The following NAALADL2 variants were observed in gnomAD, a reference collection of about 807,000 sequenced individuals.
The protein encoded by NAALADL2 is N-acetylated alpha-linked acidic dipeptidase like 2, also known as inactive N-acetylated-alpha-linked acidic dipeptidase-like protein 2.
NAALADL2 carries 76 observed loss-of-function variants against 87.2 expected under a neutral mutation model. That is an observed-to-expected ratio of 0.87 (90% confidence interval 0.72 to 1.05). The LOEUF (loss-of-function observed/expected upper bound fraction) is 1.05. NAALADL2 is among the 50% of genes least tolerant of loss of function. The pLI is 0.00. For synonymous variants in NAALADL2, 354 were observed against 331.0 expected (o/e 1.07, Z -0.75); for missense variants, 1,089 against 945.8 (o/e 1.15, Z -1.99).
chr3:174,609,739 C>T (rs1187741518), intron 2 of NAALADL2, among the ~76,000 whole-genome samples: 2 of 152,036 alleles, frequency 1.3e-5, no homozygotes, highest in Admixed American at 1.3e-4. Context: ...GCCATACTGC[C>T]CAAGGTAATT....
intron 4 of NAALADL2, among the ~76,000 whole-genome samples, chr3:175,268,010 T>A (rs1282336380): frequency 1.3e-5 from 2 of 152,212 alleles, no homozygotes; most frequent in East Asian, 3.8e-4. Flanking sequence ...AAGGAACAGT[T>A]CCTACTTTCA....
chr3:174,976,963 T>C (rs1163509200), intron 1 of NAALADL2, among the ~76,000 whole-genome samples: 2 of 152,326 alleles, frequency 1.3e-5, no homozygotes, highest in African/African-American at 4.8e-5. Flanking sequence ...ATTACCAGAA[T>C]CTTGGGGCAG....
At chr3:175,773,421 T>G (rs1749772838) in intron 13 of NAALADL2, 1 of 152,168 alleles carries the variant, frequency 6.6e-6, no homozygotes, top group Non-Finnish European at 1.5e-5. Flanking sequence ...AACCTGCTGG[T>G]GATTGCTTCA....
chr3:174,828,834 C>T (rs1722290223), intron 3 of NAALADL2, among the ~76,000 whole-genome samples: 1 of 152,096 alleles, frequency 6.6e-6, no homozygotes, highest in African/African-American at 2.4e-5. Context: ...AATATGGGTC[C>T]AATCAGTTAA....
intron 9 of NAALADL2, among the ~76,000 whole-genome samples, chr3:175,553,371 G>A (rs1242203089): frequency 6.6e-6 from 1 of 151,980 alleles, no homozygotes; most frequent in Non-Finnish European, 1.5e-5. Flanking sequence ...CCTGAAAAAA[G>A]TTTCTCCCAA....
At chr3:175,131,632 T>A (rs1317788855) in intron 2 of NAALADL2, among the ~76,000 whole-genome samples, 1 of 152,214 alleles carries the variant, frequency 6.6e-6, no homozygotes, top group Non-Finnish European at 1.5e-5. Flanking sequence ...ATTGTCATCC[T>A]GGCCCGTTCT....
intron 6 of NAALADL2, among the ~76,000 whole-genome samples, chr3:175,462,275 G>A (rs909615584): frequency 3.9e-5 from 6 of 152,006 alleles, no homozygotes; most frequent in African/African-American, 1.2e-4. Flanking sequence ...AAAAACAAAC[G>A]AAAATGCATA....
intron 9 of NAALADL2, among the ~76,000 whole-genome samples, chr3:175,473,834 T>C (rs1725255844): frequency 6.6e-6 from 1 of 152,120 alleles, no homozygotes; most frequent in African/African-American, 2.4e-5. Context: ...TGTAACTTCA[T>C]TTCCAATACT....
At chr3:174,936,055 T>C (rs766200540) in intron 1 of NAALADL2, among the ~76,000 whole-genome samples, 3 of 152,138 alleles carry the variant, frequency 2.0e-5, no homozygotes, top group Non-Finnish European at 4.4e-5. Flanking sequence ...TAATGAATTA[T>C]GTTGTGGGGA....
intron 1 of NAALADL2, among the ~76,000 whole-genome samples, chr3:174,503,888 C>G (rs1719050041): frequency 1.3e-5 from 2 of 151,910 alleles, no homozygotes; most frequent in African/African-American, 4.8e-5. Context: ...TAATAAAATT[C>G]ACAGATTAAT....
intron 12 of NAALADL2, 60 bp downstream of exon 12, chr3:175,737,459 AC>A: frequency 1.0e-6 from 1 of 1,002,168 alleles, no homozygotes; most frequent in South Asian, 1.3e-5. Context: ...CTAATTTTCA[AC>A]AAGGAATGGA....
intron 3 of NAALADL2, among the ~76,000 whole-genome samples, chr3:174,748,121 T>A (rs1030392621): frequency 2.0e-5 from 3 of 151,730 alleles, no homozygotes; most frequent in African/African-American, 7.3e-5. Flanking sequence ...TGAGAACACA[T>A]AGACACAGGG....
chr3:175,382,253 C>T (rs912946324), intron 5 of NAALADL2, among the ~76,000 whole-genome samples: 9 of 151,970 alleles, frequency 5.9e-5, no homozygotes, highest in African/African-American at 2.2e-4. Flanking sequence ...GTTCATGAAA[C>T]AGTATGACAT....
At chr3:175,228,688 C>T (rs1223479887) in intron 2 of NAALADL2, among the ~76,000 whole-genome samples, 1 of 151,818 alleles carries the variant, frequency 6.6e-6, no homozygotes, top group Non-Finnish European at 1.5e-5. Context: ...ATGAGAATAT[C>T]AAGTACAGAC....
intron 1 of NAALADL2, among the ~76,000 whole-genome samples, chr3:174,956,659 C>A (rs932800592): frequency 2.0e-5 from 3 of 152,030 alleles, no homozygotes; most frequent in African/African-American, 7.2e-5. Flanking sequence ...CTGACTCTAT[C>A]TCTTGGAGGA....
At chr3:174,667,996 A>C (rs1394909270) in intron 2 of NAALADL2, among the ~76,000 whole-genome samples, 2 of 152,026 alleles carry the variant, frequency 1.3e-5, no homozygotes. Flanking sequence ...GCAATGCACC[A>C]GGGTTTCATT....
rs1224241084 is a variant in NAALADL2 at position 175,803,166 on chromosome 3, T to G, written c.2351T>G (p.Leu784Arg). Residue 784 changes from leucine (L) to arginine (R), a missense_variant, in exon 14 of 14, where the codon CTT becomes CGT. Physicochemically the swap from Leu to Arg is moderately radical, Grantham distance 102 (BLOSUM62 -2). Coordinates refer to ENST00000454872, the MANE Select transcript of NAALADL2 (RefSeq NM_207015.3). The stretch of plus-strand genomic sequence containing the variant: ...GCTCAGGTTTACTTCAAAGCAGGAC[T>G]TGATGTGTTCAAGAGTGTCTTGGAT... ...NSAQVYFKAG[L>R]DVFKSVLDGK... is the part of the protein sequence containing the mutation. 2 of 1,611,826 alleles carry G rather than the reference T, an allele frequency of 1.2e-6. No individual in the cohort carries two copies. Among genetic ancestry groups the G allele is most frequent in the Non-Finnish European group, 8.5e-7 (1 of 1,178,762 alleles).
intron 2 of NAALADL2, among the ~76,000 whole-genome samples, chr3:175,119,851 C>T (rs1725881718): frequency 1.4e-5 from 2 of 141,038 alleles, no homozygotes; most frequent in African/African-American, 5.2e-5. Flanking sequence ...ACTTATATAG[C>T]TTATGTAAGT....
At chr3:175,177,022 A>T (rs2108957920) in intron 2 of NAALADL2, among the ~76,000 whole-genome samples, 1 of 152,240 alleles carries the variant, frequency 6.6e-6, no homozygotes, top group East Asian at 1.9e-4. Flanking sequence ...GAAAGAAGGC[A>T]AGGCAAAGTT....
Sources: gnomAD v4.1 joint callset for allele counts (sites outside exome capture counted in the v4.1 genomes callset) on GRCh38, gnomAD v4.1.1 for gene constraint, MANE v1.5 for transcripts, NCBI Gene and HGNC (gene_info 2026-07-23, HGNC 2026-07-21) for gene names.